TNS1: variants seen among roughly 807,000 people sequenced by gnomAD.
TNS1 encodes tensin-1.
In TNS1, 62 loss-of-function variants were observed where a neutral mutation model predicts 168.6. The observed-to-expected ratio is 0.37, with a 90% CI of 0.30 to 0.45. The LOEUF (loss-of-function observed/expected upper bound fraction) is 0.45. Among genes scored for constraint, TNS1 ranks in the 20% least tolerant of loss-of-function variants. TNS1 has a pLI of 1.00. For synonymous variants in TNS1, 934 were observed against 933.2 expected (o/e 1.00, Z -0.02); for missense variants, 2,240 against 2,339.4 (o/e 0.96, Z 0.88).
intron 2 of TNS1, among the ~76,000 whole-genome samples, chr2:217,981,862 G>A (rs1206567543): frequency 1.3e-5 from 2 of 152,268 alleles, no homozygotes; most frequent in South Asian, 2.1e-4. Flanking sequence ...CTTTCAGATC[G>A]ATGAAATATT....
intron 23 of TNS1, among the ~76,000 whole-genome samples, 153 bp from the exon 24 acceptor site, chr2:217,818,912 T>A (rs1559164250): frequency 6.6e-6 from 1 of 152,178 alleles, no homozygotes; most frequent in Non-Finnish European, 1.5e-5. Flanking sequence ...TACGTTACCT[T>A]ACAGAACCAT....
Position 217,809,456 on chromosome 2 carries a change from GATGC to G in TNS1, c.5273+363_5273+366del, listed in dbSNP as rs201699438. 1.8e-4 allele frequency among the ~76,000 whole-genome samples: 18 copies of G among 97,730 alleles called. 1 individual carries two copies. Among genetic ancestry groups the G allele is most frequent in the Admixed American group, 5.2e-4 (5 of 9,706 alleles). 64.1% of individuals were successfully genotyped at this position (97,730 alleles called of 152,430 possible). A position where few individuals can be genotyped will look rare whatever the true frequency, so the allele number is the denominator to read the frequency against. ...GGATGGATGGATGGATGGATGGATG[GATGC>G]ATGGATGGATGGATGGATGGATGGA... On this transcript the variant is annotated intron_variant, in intron 30 of 32. Coordinates refer to ENST00000682258, the MANE Select transcript of TNS1 (RefSeq NM_001387777.1).
rs1041078603 is a variant in TNS1 at position 217,880,237 on chromosome 2, G to A, written c.1429+661C>T. Reference sequence around the variant, plus strand: ...AATGCATGTAGAACTCTCAAGAGACGACCTGAGTTGCAGTGGACCATTTGA... The same window carrying A: ...AATGCATGTAGAACTCTCAAGAGACAACCTGAGTTGCAGTGGACCATTTGA... On this transcript the variant is annotated intron_variant, in intron 18 of 32. Transcript: ENST00000682258. This position sits in a 1 kb window ranked among gnomAD's most constrained non-coding sequence, Gnocchi z 4.2. Among the ~76,000 whole-genome samples, 20 of 152,136 alleles carry A rather than the reference G, an allele frequency of 1.3e-4. No individual in the cohort carries two copies. The highest frequency in any genetic ancestry group is 3.9e-4 in the African/African-American group (16 of 41,408).
upstream of TNS1, among the ~76,000 whole-genome samples, chr2:218,013,493 C>T (rs564791258): frequency 5.9e-5 from 9 of 152,294 alleles, no homozygotes; most frequent in African/African-American, 1.9e-4. Flanking sequence ...AGAGATCTCT[C>T]TGCAGCCCCC....
chr2:217,893,120 G>C, intron 10 of TNS1, 108 bp from the exon 11 acceptor site: 1 of 1,371,750 alleles, frequency 7.3e-7, no homozygotes, highest in Non-Finnish European at 1.0e-6. Flanking sequence ...AGAGAGGGGT[G>C]TGGATTTAAG....
chr2:217,962,081 C>A (rs115169241), intron 3 of TNS1, among the ~76,000 whole-genome samples: 3,387 of 152,306 alleles, frequency 0.022, 108 homozygotes, highest in African/African-American at 0.076. Context: ...CAATCCCTTA[C>A]AATAAATTTC....
Position 217,886,529 on chromosome 2 carries a change from G to A in TNS1, c.979+5C>T. ...GGTGGAGGTCAGAGGGCTCAAGGCA[G>A]GTACCTCCTTTAGACTCAAAGTTGG... On this transcript the variant is annotated splice_donor_5th_base_variant and intron_variant, in intron 13 of 32. Coordinates refer to ENST00000682258, the MANE Select transcript of TNS1 (RefSeq NM_001387777.1). The A allele has an allele frequency of 6.3e-7, 1 of 1,585,928 alleles. No individual in the cohort carries two copies. Among genetic ancestry groups the A allele is most frequent in the Non-Finnish European group, 8.6e-7 (1 of 1,164,946 alleles).
At chr2:217,844,412 C>T (rs1946376600) in intron 19 of TNS1, among the ~76,000 whole-genome samples, 1 of 152,140 alleles carries the variant, frequency 6.6e-6, no homozygotes, top group South Asian at 2.1e-4. Flanking sequence ...AAGATGCAAG[C>T]TCCTTAGTCC....
chr2:217,903,825 C>T (rs915397729), intron 6 of TNS1: 8 of 513,458 alleles, frequency 1.6e-5, no homozygotes, highest in Middle Eastern at 8.1e-4. Context: ...AGGTCTATGA[C>T]CCCAGGTTCT....
intron 32 of TNS1, among the ~76,000 whole-genome samples, chr2:217,805,524 AC>A (rs1221122204): frequency 3.2e-3 from 5 of 1,584 alleles, no homozygotes; most frequent in Non-Finnish European, 5.4e-3. Flanking sequence ...CACCACACAC[AC>A]CACACACACC....
At chr2:217,924,314 T>TCACA (rs979087646) in intron 3 of TNS1, among the ~76,000 whole-genome samples, 1 of 149,350 alleles carries the variant, frequency 6.7e-6, no homozygotes, top group Admixed American at 6.7e-5. Context: ...TCTCTCTCTC[T>TCACA]CACACACACA....
At chr2:217,884,336 T>C (rs1950988188) in intron 16 of TNS1, among the ~76,000 whole-genome samples, 1 of 152,244 alleles carries the variant, frequency 6.6e-6, no homozygotes, top group South Asian at 2.1e-4. Context: ...GATGGATGGA[T>C]GGATGGATGT....
chr2:217,894,717 A>G (rs1952096147), intron 9 of TNS1, among the ~76,000 whole-genome samples: 1 of 152,156 alleles, frequency 6.6e-6, no homozygotes, highest in African/African-American at 2.4e-5. Context: ...AGCGGCTCCC[A>G]ACTGCTTTAA....
At chr2:217,805,485 C>CACACACACG (rs1559131725) in intron 32 of TNS1, among the ~76,000 whole-genome samples, 16 of 50,050 alleles carry the variant, frequency 3.2e-4, no homozygotes, top group African/African-American at 1.1e-3. Flanking sequence ...CCACACACAC[C>CACACACACG]ACACACACAC....
intron 4 of TNS1, 133 bp downstream of exon 4, chr2:217,920,062 G>A (rs567943192): frequency 6.5e-5 from 44 of 678,256 alleles, no homozygotes; most frequent in South Asian, 1.7e-4. Flanking sequence ...GCCCAGGGAG[G>A]TCGACCCTCC....
At chr2:217,828,789 T>C (rs937015657) in intron 22 of TNS1, among the ~76,000 whole-genome samples, 1 of 152,228 alleles carries the variant, frequency 6.6e-6, no homozygotes, top group Admixed American at 6.5e-5. Context: ...AATGCATTAT[T>C]GTATACACGG....
At position 217,831,516 on chromosome 2, in the gene TNS1, G is replaced by T. The variant is rs765006835; in HGVS notation, c.3312C>A (p.Pro1104=). The T allele has an allele frequency of 1.3e-6, 2 of 1,563,858 alleles. No homozygotes were observed. The highest frequency in any genetic ancestry group is 1.2e-5 in the South Asian group (1 of 83,058). The change falls in exon 22 of 33, where the codon CCC becomes CCA. Residue 1104 remains proline, a synonymous_variant. Transcript: ENST00000682258. ...GAGGTTTCAGGCCCAGAGCAGACAG[G>T]GGTGTCTTGGCCAGACCCGGGGGGG... ...VRSPPGLAKT[P]LSALGLKPHN...
At chr2:218,010,018 A>C (rs900465111) in intron 1 of TNS1, 461 of 284,736 alleles carry the variant, frequency 1.6e-3, no homozygotes, top group Non-Finnish European at 4.6e-4. Flanking sequence ...TCGAATGCCC[A>C]GGAGACTGCG....
chr2:217,864,638 G>A (rs1949095060), intron 18 of TNS1, among the ~76,000 whole-genome samples: 2 of 152,212 alleles, frequency 1.3e-5, no homozygotes, highest in African/African-American at 4.8e-5. Context: ...AGGCAAGTGA[G>A]CACTGTCCCC....
Sources: allele counts gnomAD v4.1 joint callset (sites outside exome capture counted in the v4.1 genomes callset), GRCh38; gene constraint gnomAD v4.1.1; non-coding constraint Gnocchi (gnomAD v3.1); transcripts MANE v1.5; gene names NCBI Gene and HGNC (gene_info 2026-07-23, HGNC 2026-07-21).